DZIP3: variants seen among roughly 807,000 people sequenced by gnomAD.
DZIP3 encodes the protein E3 ubiquitin-protein ligase DZIP3.
A neutral mutation model predicts 162.0 loss-of-function variants in DZIP3; 118 were observed. The ratio of observed to expected loss-of-function variants is 0.73; its 90% CI spans 0.63 to 0.85. DZIP3 has a LOEUF of 0.85. Among genes scored for constraint, DZIP3 ranks in the 40% least tolerant of loss-of-function variants. The pLI is 0.00. For missense variants in DZIP3, 1,331 were observed against 1,407.0 expected (o/e 0.95, Z 0.86); for synonymous variants, 438 against 458.6 (o/e 0.96, Z 0.57).
chr3:108,602,629 CT>C (rs1559717678), intron 1 of DZIP3, among the ~76,000 whole-genome samples: 1 of 152,052 alleles, frequency 6.6e-6, no homozygotes, highest in African/African-American at 2.4e-5. Context: ...ATTTACCTTT[CT>C]TTTTTTTCCT....
intron 31 of DZIP3, among the ~76,000 whole-genome samples, chr3:108,689,864 G>C (rs541663047): frequency 6.6e-6 from 1 of 152,058 alleles, no homozygotes; most frequent in Non-Finnish European, 1.5e-5. Context: ...GTAAAGAAAG[G>C]CTTTTCAGGG....
chr3:108,610,000 T>C (rs78997995), intron 3 of DZIP3, among the ~76,000 whole-genome samples: 2,678 of 152,320 alleles, frequency 0.018, 89 homozygotes, highest in African/African-American at 0.061. Context: ...GGTCATTCTT[T>C]ATAAGGGGTT....
intron 23 of DZIP3, among the ~76,000 whole-genome samples, chr3:108,673,697 A>T (rs1369829586): frequency 6.6e-6 from 1 of 151,974 alleles, no homozygotes; most frequent in Non-Finnish European, 1.5e-5. Flanking sequence ...AGTGTTCTCA[A>T]ACTTTACTGC....
At chr3:108,646,331 A>T (rs970406520) in intron 14 of DZIP3, among the ~76,000 whole-genome samples, 1 of 152,220 alleles carries the variant, frequency 6.6e-6, no homozygotes, top group African/African-American at 2.4e-5. Context: ...TAGATGGTAA[A>T]CATAAATATT....
At chr3:108,663,022 T>C (rs1180996531) in intron 21 of DZIP3, among the ~76,000 whole-genome samples, 1 of 152,192 alleles carries the variant, frequency 6.6e-6, no homozygotes, top group Non-Finnish European at 1.5e-5. Flanking sequence ...TCCAAGATAT[T>C]TCTTATAAAT....
At chr3:108,691,192 T>C (rs1022462814) in intron 32 of DZIP3, 4 of 220,736 alleles carry the variant, frequency 1.8e-5, no homozygotes, top group Non-Finnish European at 2.7e-5. Flanking sequence ...TCTTGTCTTT[T>C]TAAATTCTTA....
At position 108,591,652 on chromosome 3, in the gene DZIP3, A is replaced by G. The variant is rs570641755; in HGVS notation, c.-73+1813A>G. Among the ~76,000 whole-genome samples, 3 of 152,330 alleles carry G rather than the reference A, an allele frequency of 2.0e-5. No homozygotes were observed. The East Asian group carries it at 5.8e-4, about 29-fold the overall frequency. On this transcript the variant is annotated intron_variant, in intron 1 of 32. Transcript: ENST00000361582. ...CATTTTTAATCAGAGATACTTGCAT[A>G]TCCTAATTTGAGAAACACCAATCCA...
In DZIP3 at chr3:108,632,963, A is replaced by C; in HGVS notation, c.707A>C (p.Asn236Thr). 7.1e-7 allele frequency: 1 copy of C among 1,404,774 alleles called. No homozygotes were observed. Among genetic ancestry groups the C allele is most frequent in the Non-Finnish European group, 9.5e-7 (1 of 1,048,418 alleles). 87.0% of individuals were successfully genotyped at this position (1,404,774 alleles called of 1,614,324 possible). A position where few individuals can be genotyped will look rare whatever the true frequency, so the allele number is the denominator to read the frequency against. ...GTTTTTAAAATCTAGGATCTTCTTA[A>C]TAATTTTATCAAGACAACTGAAAGC... ...DLPTTFKDLL[N>T]NFIKTTESNI... Residue 236 changes from asparagine (N) to threonine (T), a missense_variant, in exon 9 of 33, where the codon AAT (asparagine) becomes ACT (threonine). Coordinates refer to ENST00000361582, the MANE Select transcript of DZIP3 (RefSeq NM_014648.4).
intron 26 of DZIP3, among the ~76,000 whole-genome samples, chr3:108,680,583 G>A (rs1268451221): frequency 6.6e-6 from 1 of 152,038 alleles, no homozygotes; most frequent in African/African-American, 2.4e-5. Context: ...TAACCAAGGA[G>A]GAGAAAGATC....
intron 8 of DZIP3, among the ~76,000 whole-genome samples, chr3:108,632,069 T>C (rs1374892183): frequency 6.6e-6 from 1 of 152,158 alleles, no homozygotes; most frequent in Non-Finnish European, 1.5e-5. Flanking sequence ...AGAGGCTTAT[T>C]TATCATATAT....
rs777905151 is a variant in DZIP3, at chr3:108,672,553, A to T, written c.2493-7A>T. On this transcript the variant is annotated splice_region_variant and splice_polypyrimidine_tract_variant and intron_variant, in intron 22 of 32. Coordinates refer to ENST00000361582, the MANE Select transcript of DZIP3 (RefSeq NM_014648.4). ...TATTGCGAGTCTTTAATGATCATGT[A>T]TTTCAGATCTCAGTGGGAAATGGAA... 3.1e-6 allele frequency: 5 copies of T among 1,609,068 alleles called. No homozygotes were observed. The African/African-American group carries it at 6.7e-5, about 22-fold the overall frequency.
At chr3:108,682,719 G>A (rs1944364970) in intron 26 of DZIP3, among the ~76,000 whole-genome samples, 1 of 150,746 alleles carries the variant, frequency 6.6e-6, no homozygotes, top group African/African-American at 2.5e-5. Flanking sequence ...ATAGTTAACA[G>A]TAAGGTATTA....
intron 12 of DZIP3, among the ~76,000 whole-genome samples, chr3:108,640,548 T>A (rs1469957637): frequency 6.6e-6 from 1 of 151,410 alleles, no homozygotes; most frequent in Non-Finnish European, 1.5e-5. Flanking sequence ...CAGGTTCAAG[T>A]GATTCTCCTG....
At position 108,597,157 on chromosome 3, in the gene DZIP3, G is replaced by C. The variant is rs1244574282; in HGVS notation, c.-73+7318G>C. ...TTCTCCTTTTACAATTATTTTTCCTGTTTTCTTTCACAAGTATCAAGTATT... is the reference window on the plus strand; with the variant it reads ...TTCTCCTTTTACAATTATTTTTCCTCTTTTCTTTCACAAGTATCAAGTATT... On this transcript the variant is annotated intron_variant, in intron 1 of 32. Coordinates refer to ENST00000361582, the MANE Select transcript of DZIP3 (RefSeq NM_014648.4). 2.0e-5 allele frequency among the ~76,000 whole-genome samples: 3 copies of C among 152,144 alleles called. No individual in the cohort carries two copies. In the East Asian group the frequency reaches 5.8e-4, roughly 29 times the overall value.
chr3:108,657,209 A>T (rs1943173122), intron 19 of DZIP3, among the ~76,000 whole-genome samples: 1 of 152,102 alleles, frequency 6.6e-6, no homozygotes, highest in African/African-American at 2.4e-5. Context: ...AGTTGAAATG[A>T]AGGAAAAAAT....
chr3:108,688,594 G>A lies in DZIP3; in HGVS notation c.3272G>A (p.Ser1091Asn). 1 of 1,609,460 alleles carries A rather than the reference G, an allele frequency of 6.2e-7. No homozygotes were observed. The highest frequency in any genetic ancestry group is 8.5e-7 in the Non-Finnish European group (1 of 1,178,792). ...SQFIDPKKSQSQGKSVSNVNC... is the reference protein window; with the variant it reads ...SQFIDPKKSQNQGKSVSNVNC... ...TAAACATTATGTTCTTATTTTCAGAGTCAAGGAAAATCAGTGTCAAATGTT... is the reference window on the plus strand; with the variant it reads ...TAAACATTATGTTCTTATTTTCAGAATCAAGGAAAATCAGTGTCAAATGTT... Residue 1091 changes from serine (S) to asparagine (N), a missense_variant and splice_region_variant, in exon 30 of 33, where the codon AGT becomes AAT. By Grantham distance (46) the Ser-to-Asn change is conservative (BLOSUM62 1). Around this residue, in one of 2 missense-constraint regions of DZIP3, gnomAD observed 1,278 missense variants for 1,317.1 expected, o/e 0.97. Coordinates refer to ENST00000361582, the MANE Select transcript of DZIP3 (RefSeq NM_014648.4).
chr3:108,594,736 A>C (rs1238064038), intron 1 of DZIP3, among the ~76,000 whole-genome samples: 1 of 152,122 alleles, frequency 6.6e-6, no homozygotes, highest in Non-Finnish European at 1.5e-5. Flanking sequence ...AATGGCCTTC[A>C]GATCCACGCA....
intron 27 of DZIP3, 58 bp from the exon 28 acceptor site, chr3:108,686,387 A>G: frequency 6.9e-7 from 1 of 1,441,038 alleles, no homozygotes; most frequent in Non-Finnish European, 9.2e-7. Context: ...TCTGAGGTAT[A>G]GGAATGTCAC....
chr3:108,643,943 T>C (rs762575377), intron 13 of DZIP3, among the ~76,000 whole-genome samples: 1 of 152,308 alleles, frequency 6.6e-6, no homozygotes, highest in South Asian at 2.1e-4. Context: ...TGATTAGTCT[T>C]TGTTATTACT....
Sources: allele counts gnomAD v4.1 joint callset (sites outside exome capture counted in the v4.1 genomes callset), GRCh38; gene constraint gnomAD v4.1.1; regional missense constraint gnomAD v4.1.1; transcripts MANE v1.5; gene names NCBI Gene and HGNC (gene_info 2026-07-23, HGNC 2026-07-21).